CSTPP1: variants seen among roughly 807,000 people sequenced by gnomAD.
CSTPP1 encodes the protein centriolar satellite-associated tubulin polyglutamylase complex regulator 1.
chr11:47,087,205 A>C, the CSTPP1 span, among the ~76,000 whole-genome samples: 18 of 152,312 alleles, frequency 1.2e-4, no homozygotes, highest in Admixed American at 7.8e-4. Context: ...AGGCTAATTA[A>C]ATTTGGGAAC....
chr11:47,153,942 T>C, the CSTPP1 span, among the ~76,000 whole-genome samples: 1 of 151,782 alleles, frequency 6.6e-6, no homozygotes, highest in Non-Finnish European at 1.5e-5. Context: ...AAAAGAAAAC[T>C]TTTTTTGTTT....
At chr11:47,155,822 G>A in the CSTPP1 span, 1 of 155,816 alleles carries the variant, frequency 6.4e-6, no homozygotes, top group Non-Finnish European at 1.4e-5. Flanking sequence ...CCACCCCACA[G>A]CTTTAAAAAA....
chr11:47,110,090 C>G, the CSTPP1 span, among the ~76,000 whole-genome samples: 3 of 152,158 alleles, frequency 2.0e-5, no homozygotes, highest in Admixed American at 1.3e-4. Flanking sequence ...TGTATCACAC[C>G]ACCCTGCCTG....
chr11:47,097,275 TG>T, the CSTPP1 span, among the ~76,000 whole-genome samples: 1 of 104,896 alleles, frequency 9.5e-6, no homozygotes, highest in Admixed American at 9.6e-5. Context: ...GGGAGGGAGG[TG>T]GGGGGGTCAG....
chr11:47,060,258 C>CTTTTTTTTTTTTTTTT, the CSTPP1 span, among the ~76,000 whole-genome samples: 4 of 99,008 alleles, frequency 4.0e-5, no homozygotes, highest in Admixed American at 1.2e-4. Flanking sequence ...CTTTTCTTTT[C>CTTTTTTTTTTTTTTTT]TTTTTTTTTT....
At chr11:47,114,777 CA>C in the CSTPP1 span, among the ~76,000 whole-genome samples, 1 of 152,206 alleles carries the variant, frequency 6.6e-6, no homozygotes, top group Non-Finnish European at 1.5e-5. Context: ...CATCTGCAAA[CA>C]GGGACAATTT....
At chr11:47,100,067 A>G in the CSTPP1 span, among the ~76,000 whole-genome samples, 1 of 152,216 alleles carries the variant, frequency 6.6e-6, no homozygotes, top group African/African-American at 2.4e-5. Context: ...ATAGGATCCA[A>G]TAAGAAACAT....
chr11:47,137,412 T>TAC, the CSTPP1 span: 3 of 1,509,876 alleles, frequency 2.0e-6, no homozygotes, highest in Non-Finnish European at 2.7e-6. Flanking sequence ...CCAGTGAAGC[T>TAC]CCTTTGGTCA....
chr11:47,043,971 A>G, the CSTPP1 span, among the ~76,000 whole-genome samples: 1 of 152,076 alleles, frequency 6.6e-6, no homozygotes, highest in Non-Finnish European at 1.5e-5. Context: ...TGTATCTACC[A>G]TGTAGGTTTA....
At chr11:46,997,488 C>T in the CSTPP1 span, among the ~76,000 whole-genome samples, 3 of 152,264 alleles carry the variant, frequency 2.0e-5, no homozygotes, top group South Asian at 2.1e-4. Context: ...AGCTTCTTTG[C>T]GATGGATTCG....
At chr11:47,001,055 T>C in the CSTPP1 span, among the ~76,000 whole-genome samples, 1 of 152,188 alleles carries the variant, frequency 6.6e-6, no homozygotes, top group Non-Finnish European at 1.5e-5. Flanking sequence ...TTGGAAGAGA[T>C]GACGATTGAG....
the CSTPP1 span, chr11:47,160,377 G>A: frequency 1.3e-5 from 2 of 152,082 alleles, no homozygotes; most frequent in African/African-American, 4.8e-5. Context: ...TGGATGGAAT[G>A]GGAGACAGAA....
the CSTPP1 span, among the ~76,000 whole-genome samples, chr11:47,159,145 A>G: frequency 1.3e-5 from 2 of 152,226 alleles, no homozygotes; most frequent in Admixed American, 1.3e-4. Flanking sequence ...TGCTTGGGGC[A>G]TGCACAGGTC....
At chr11:47,072,504 A>G in the CSTPP1 span, among the ~76,000 whole-genome samples, 1 of 152,248 alleles carries the variant, frequency 6.6e-6, no homozygotes, top group Non-Finnish European at 1.5e-5. Flanking sequence ...AGTAATTATC[A>G]TCAGCTTTGT....
the CSTPP1 span, among the ~76,000 whole-genome samples, chr11:47,131,173 A>C: frequency 6.6e-6 from 1 of 152,180 alleles, no homozygotes; most frequent in Non-Finnish European, 1.5e-5. Context: ...GAAGGAATGA[A>C]TATATGGCCC....
chr11:47,098,365 C>A, the CSTPP1 span, among the ~76,000 whole-genome samples: 4 of 151,622 alleles, frequency 2.6e-5, no homozygotes, highest in African/African-American at 9.7e-5. Context: ...AAGCAGGGAG[C>A]TCCTTCAGTG....
At chr11:47,141,242 C>A in the CSTPP1 span, among the ~76,000 whole-genome samples, 1 of 152,138 alleles carries the variant, frequency 6.6e-6, no homozygotes, top group Non-Finnish European at 1.5e-5. Context: ...CACCCCTTAG[C>A]CATTACTCTT....
chr11:47,020,894 G>A, the CSTPP1 span, among the ~76,000 whole-genome samples: 1 of 152,204 alleles, frequency 6.6e-6, no homozygotes, highest in Non-Finnish European at 1.5e-5. Context: ...TTTCAGGCAA[G>A]AGATTTCTTT....
the CSTPP1 span, among the ~76,000 whole-genome samples, chr11:46,947,540 A>G: frequency 1.3e-5 from 2 of 152,210 alleles, no homozygotes; most frequent in African/African-American, 2.4e-5. Flanking sequence ...TTTTTCATGG[A>G]AAGCTTTTGA....
Sources: allele counts gnomAD v4.1 joint callset (sites outside exome capture counted in the v4.1 genomes callset), GRCh38; gene constraint gnomAD v4.1.1; transcripts MANE v1.5; gene names NCBI Gene and HGNC (gene_info 2026-07-23, HGNC 2026-07-21).